Variants in DNAH8 observed in about 807,000 individuals in gnomAD.
The protein encoded by DNAH8 is axonemal beta dynein heavy chain 8.
In DNAH8, 382 loss-of-function variants were observed where a neutral mutation model predicts 562.1. That is an observed-to-expected ratio of 0.68 (90% confidence interval 0.63 to 0.74). DNAH8 has a LOEUF of 0.74. Among genes scored for constraint, DNAH8 ranks in the 30% least tolerant of loss-of-function variants. The pLI is 0.00. For synonymous variants in DNAH8, 1,881 were observed against 1,919.4 expected, an observed-to-expected ratio of 0.98 and a Z score of 0.52; for missense variants, 5,203 against 5,620.4, an observed-to-expected ratio of 0.93 and a Z score of 2.37.
At position 38,909,711 on chromosome 6, in the gene DNAH8, T is replaced by C; in HGVS notation, c.9707T>C (p.Met3236Thr). ...GAAACAATGGGCCTGTTTCATGACA[T>C]GGTTTCAGAGAGCTGTGAAAGTTAT... ...VVETMGLFHD[M>T]VSESCESYFQ... Residue 3236 changes from methionine (M) to threonine (T), a missense_variant, in exon 65 of 93, where the codon ATG (methionine) becomes ACG (threonine). Around this residue, in one of 6 missense-constraint regions of DNAH8, gnomAD observed 977 missense variants for 1,061.8 expected, o/e 0.92. Coordinates refer to ENST00000327475, the MANE Select transcript of DNAH8 (RefSeq NM_001206927.2). 1 of 1,614,120 alleles carries C rather than the reference T, an allele frequency of 6.2e-7. No individual in the cohort carries two copies. The highest frequency in any genetic ancestry group is 8.5e-7 in the Non-Finnish European group (1 of 1,179,970).
At chr6:38,825,600 C>T (rs1323822985) in intron 28 of DNAH8, among the ~76,000 whole-genome samples, 2 of 152,082 alleles carry the variant, frequency 1.3e-5, no homozygotes, top group Non-Finnish European at 1.5e-5. Flanking sequence ...GGCTCCTCCT[C>T]AAGCCTCATT....
intron 69 of DNAH8, 145 bp downstream of exon 69, chr6:38,917,551 G>C: frequency 1.4e-6 from 1 of 713,786 alleles, no homozygotes; most frequent in Non-Finnish European, 2.3e-6. Context: ...CACCTAAAAT[G>C]TAAAGAGGGA....
At position 39,008,890 on chromosome 6, in the gene DNAH8, G is replaced by A; in HGVS notation, c.13291G>A (p.Gly4431Arg). The change falls in exon 89 of 93, where the codon GGA becomes AGA. Residue 4431 changes from glycine (G) to arginine (R), a missense_variant. By Grantham distance (125) the Gly-to-Arg change is moderately radical. Around this residue, in one of 6 missense-constraint regions of DNAH8, gnomAD observed 1,399 missense variants for 1,518.4 expected, o/e 0.92. Coordinates refer to ENST00000327475, the MANE Select transcript of DNAH8 (RefSeq NM_001206927.2). ...ACCCAAAGAGAGTGGAGGTGGTGTG[G>A]GAGAGACCCGGGAGGCTATTGTTTA... ...IQPKESGGGV[G>R]ETREAIVYRL... The A allele has an allele frequency of 6.2e-7, 1 of 1,606,976 alleles. No homozygotes were observed. Among genetic ancestry groups the A allele is most frequent in the Middle Eastern group, 1.7e-4 (1 of 6,054 alleles).
intron 41 of DNAH8, among the ~76,000 whole-genome samples, chr6:38,856,647 G>A (rs1776221618): frequency 1.3e-5 from 2 of 152,120 alleles, no homozygotes; most frequent in African/African-American, 4.8e-5. Flanking sequence ...TTTAGCTGCA[G>A]CCCTCAGGAT....
At chr6:38,803,983 C>G (rs1319993846) in intron 22 of DNAH8, among the ~76,000 whole-genome samples, 7 of 152,162 alleles carry the variant, frequency 4.6e-5, no homozygotes, top group African/African-American at 1.7e-4. Context: ...TCTGCCCACA[C>G]CCTCATAACC....
rs535565171 is a variant in DNAH8 at position 39,017,201 on chromosome 6, T to A, written c.13714+4564T>A. On this transcript the variant is annotated intron_variant, in intron 91 of 92. Transcript: ENST00000327475. ...TTTTCCCAGCAGTTGTTGGTGCACA[T>A]CTTCCCACATTATTTAAGATTGTTT... Among the ~76,000 whole-genome samples, 5 of 152,252 alleles carry A rather than the reference T, an allele frequency of 3.3e-5. No individual in the cohort carries two copies. In the East Asian group the frequency reaches 9.7e-4, roughly 29 times the overall value.
At chr6:38,843,313 A>G (rs902298131) in intron 35 of DNAH8, among the ~76,000 whole-genome samples, 1 of 151,488 alleles carries the variant, frequency 6.6e-6, no homozygotes, top group African/African-American at 2.4e-5. Flanking sequence ...TTTCCTTTCC[A>G]AGATTTTTAA....
At chr6:38,922,883 A>G (rs1781823522) in intron 71 of DNAH8, 175 bp from the exon 72 acceptor site, 3 of 581,678 alleles carry the variant, frequency 5.2e-6, no homozygotes, top group East Asian at 3.2e-5. Flanking sequence ...TAAAATCACT[A>G]TATTATGAAT....
chr6:38,934,952 C>G (rs34974103), intron 76 of DNAH8, among the ~76,000 whole-genome samples: 1 of 151,926 alleles, frequency 6.6e-6, no homozygotes, highest in African/African-American at 2.4e-5. Context: ...ATTAGGCTTG[C>G]AACTTTTTGA....
chr6:38,830,976 G>A (rs1773785678), intron 30 of DNAH8, among the ~76,000 whole-genome samples: 1 of 152,038 alleles, frequency 6.6e-6, no homozygotes, highest in African/African-American at 2.4e-5. Context: ...ATACTTTTTT[G>A]AAAGAAATAA....
intron 77 of DNAH8, 53 bp downstream of exon 77, chr6:38,935,750 T>C: frequency 1.5e-6 from 2 of 1,319,328 alleles, no homozygotes; most frequent in Non-Finnish European, 2.1e-6. Context: ...AAGGATTTCA[T>C]TTACACTCTT....
chr6:39,011,607 T>C (rs1766214329), intron 89 of DNAH8, among the ~76,000 whole-genome samples: 1 of 152,240 alleles, frequency 6.6e-6, no homozygotes, highest in South Asian at 2.1e-4. Flanking sequence ...ATTGATCTCT[T>C]CAAAATAGTC....
Position 38,832,420 on chromosome 6 carries a change from A to G in DNAH8, c.4287A>G (p.Ala1429=). 6.3e-7 allele frequency: 1 copy of G among 1,598,642 alleles called. No individual in the cohort carries two copies. The highest frequency in any genetic ancestry group is 8.6e-7 in the Non-Finnish European group (1 of 1,166,248). ...TTCGTGAGGACGTGATAAACTTTGCAGAAGCATATGAATTGGTAATTTAAG... is the reference window on the plus strand; with the variant it reads ...TTCGTGAGGACGTGATAAACTTTGCGGAAGCATATGAATTGGTAATTTAAG... ...EVFREDVINF[A]EAYELEGPMV... The change falls in exon 31 of 93, where the codon GCA becomes GCG. Residue 1429 remains alanine (A), a synonymous_variant. Coordinates refer to ENST00000327475, the MANE Select transcript of DNAH8 (RefSeq NM_001206927.2).
At chr6:38,867,997 T>G in intron 47 of DNAH8, 65 bp from the exon 48 acceptor site, 3 of 1,524,474 alleles carry the variant, frequency 2.0e-6, no homozygotes, top group Non-Finnish European at 2.7e-6. Flanking sequence ...ATGCATAGAG[T>G]GAGCCGTGAG....
Position 38,896,046 on chromosome 6 carries a change from G to A in DNAH8, c.8761G>A (p.Glu2921Lys). The A allele has an allele frequency of 6.2e-7, 1 of 1,611,246 alleles. No individual in the cohort carries two copies. The highest frequency in any genetic ancestry group is 2.2e-5 in the East Asian group (1 of 44,848). ...TTTTCCTTTCAGATTTATAACTCCTGAAGATGAGCAGTGGTTTAATGCACA... is the reference window on the plus strand; with the variant it reads ...TTTTCCTTTCAGATTTATAACTCCTAAAGATGAGCAGTGGTTTAATGCACA... ...RVIADRFITP[E>K]DEQWFNAHLT... Residue 2921 changes from glutamate to lysine, a missense_variant, in exon 60 of 93, where the codon GAA (glutamate) becomes AAA (lysine). By Grantham distance (56) the Glu-to-Lys change is moderately conservative. This residue lies in a region of DNAH8 where 977 missense variants were observed against 1,061.8 expected (regional missense o/e 0.92). Coordinates refer to ENST00000327475, the MANE Select transcript of DNAH8 (RefSeq NM_001206927.2).
chr6:38,832,461 T>C, intron 31 of DNAH8, 26 bp downstream of exon 31: 1 of 1,362,354 alleles, frequency 7.3e-7, no homozygotes. Context: ...TCTTGCTGTA[T>C]GTTGAAATGT....
chr6:38,867,752 CAAAAAA>C (rs68060910), intron 47 of DNAH8, among the ~76,000 whole-genome samples: 1 of 88,802 alleles, frequency 1.1e-5, no homozygotes, highest in African/African-American at 4.4e-5. Context: ...GACTCCATCT[CAAAAAA>C]AAAAAAAAAA....
At chr6:38,734,691 G>A in intron 5 of DNAH8, 66 bp downstream of exon 5, 2 of 1,516,954 alleles carry the variant, frequency 1.3e-6, no homozygotes, top group South Asian at 2.5e-5. Context: ...TCACACTTAT[G>A]CTTTACTTTG....
intron 72 of DNAH8, 153 bp downstream of exon 72, chr6:38,923,338 A>G: frequency 1.1e-6 from 1 of 895,882 alleles, no homozygotes. Flanking sequence ...ATAGAGGGTG[A>G]AGAAGATTTT....
Sources: gnomAD v4.1 joint callset for allele counts (sites outside exome capture counted in the v4.1 genomes callset) on GRCh38, gnomAD v4.1.1 for gene constraint, gnomAD v4.1.1 regional missense constraint, MANE v1.5 for transcripts, NCBI Gene and HGNC (gene_info 2026-07-23, HGNC 2026-07-21) for gene names.